SYN3: variants seen among roughly 807,000 people sequenced by gnomAD.
SYN3 encodes the protein synapsin-3.
In SYN3, 35 loss-of-function variants were observed where a neutral mutation model predicts 65.8. The ratio of observed to expected loss-of-function variants is 0.53; its 90% CI spans 0.41 to 0.70. The LOEUF (loss-of-function observed/expected upper bound fraction) is 0.70. SYN3 is among the 30% of genes least tolerant of loss of function. The probability of loss-of-function intolerance (pLI) is 0.00; values close to 1 mark genes in which losing one functional copy is unlikely to be tolerated. For missense variants in SYN3, 680 were observed against 749.0 expected, an observed-to-expected ratio of 0.91 and a Z score of 1.08; for synonymous variants, 270 against 292.9, an observed-to-expected ratio of 0.92 and a Z score of 0.80.
chr22:32,650,233 CCCT>C lies in SYN3; in HGVS notation c.712-53500_712-53498del, dbSNP rs2060044854. 8.0e-5 allele frequency among the ~76,000 whole-genome samples: 7 copies of C among 86,968 alleles called. 1 individual carries two copies. The highest frequency in any genetic ancestry group is 4.0e-4 in the South Asian group (1 of 2,482). The allele number at this position is 86,968 out of a possible 152,430, so 57.1% of individuals were successfully genotyped here. A position where few individuals can be genotyped will look rare whatever the true frequency, so the allele number is the denominator to read the frequency against. On this transcript the variant is annotated intron_variant, in intron 6 of 13. Coordinates refer to ENST00000358763, the MANE Select transcript of SYN3 (RefSeq NM_003490.4). The stretch of plus-strand genomic sequence containing the variant: ...CTTTTCTTTCTCTCTCTCTCTCTCT[CCCT>C]CCCTCCCTCCCTCCCTCCCTCCCTC...
At chr22:32,854,561 C>G (rs1019463568) in intron 6 of SYN3, among the ~76,000 whole-genome samples, 1 of 152,174 alleles carries the variant, frequency 6.6e-6, no homozygotes, top group African/African-American at 2.4e-5. Context: ...TAAGAAGTTG[C>G]TCGGCACAGA....
intron 6 of SYN3, among the ~76,000 whole-genome samples, chr22:32,848,453 G>T (rs2048130679): frequency 6.6e-6 from 1 of 152,204 alleles, no homozygotes; most frequent in Admixed American, 6.5e-5. Flanking sequence ...AGATCATGTG[G>T]ATGCTAATAC....
At chr22:32,962,893 A>C (rs5749546) in intron 3 of SYN3, among the ~76,000 whole-genome samples, 70,343 of 150,202 alleles carry the variant, frequency 0.47, 16,551 homozygotes, top group Middle Eastern at 0.53. Context: ...ATCTCTCTCT[A>C]TATATATATA....
At chr22:32,677,472 C>A (rs1459300730) in intron 6 of SYN3, among the ~76,000 whole-genome samples, 1 of 152,086 alleles carries the variant, frequency 6.6e-6, no homozygotes, top group Non-Finnish European at 1.5e-5. Flanking sequence ...ATTTTGAAAC[C>A]ATTGAAAGAA....
At chr22:32,538,183 G>T in intron 8 of SYN3, 73 bp from the exon 9 acceptor site, 2 of 1,400,326 alleles carry the variant, frequency 1.4e-6, no homozygotes, top group South Asian at 1.2e-5. Flanking sequence ...TCTTTGCTTT[G>T]GCTGTTAGGA....
rs191545624 is a variant in SYN3, at chr22:32,935,580, A to T, written c.370-4099T>A. On this transcript the variant is annotated intron_variant, in intron 3 of 13. Coordinates refer to ENST00000358763, the MANE Select transcript of SYN3 (RefSeq NM_003490.4). ...ATTCTCCTGCCTCAGCCTCCTAAGC[A>T]GCTGAGATCACAGGCACCCGCCACC... Among the ~76,000 whole-genome samples, 28 of 151,628 alleles carry T rather than the reference A, an allele frequency of 1.8e-4. 1 individual carries two copies. Among genetic ancestry groups the T allele is most frequent in the African/African-American group, 6.8e-4 (28 of 41,300 alleles).
intron 6 of SYN3, among the ~76,000 whole-genome samples, chr22:32,832,469 A>G (rs1306882877): frequency 6.6e-6 from 1 of 152,104 alleles, no homozygotes; most frequent in Non-Finnish European, 1.5e-5. Context: ...AAAAACAGAA[A>G]GAGTATCTAG....
intron 6 of SYN3, among the ~76,000 whole-genome samples, chr22:32,763,917 A>G (rs2045554000): frequency 7.0e-6 from 1 of 142,346 alleles, no homozygotes; most frequent in South Asian, 2.2e-4. Flanking sequence ...TGATGCCTCC[A>G]AAATTTGGTG....
At chr22:32,635,045 C>A (rs568495239) in intron 6 of SYN3, 15 of 152,236 alleles carry the variant, frequency 9.9e-5, no homozygotes, top group Middle Eastern at 6.8e-3. Flanking sequence ...AGATTAGACA[C>A]CCCGGTCTAC....
At chr22:32,913,814 G>A (rs1157654358) in intron 4 of SYN3, among the ~76,000 whole-genome samples, 1 of 152,224 alleles carries the variant, frequency 6.6e-6, no homozygotes, top group African/African-American at 2.4e-5. Context: ...ATCCTGTGGT[G>A]CCGTTTTGTG....
intron 6 of SYN3, among the ~76,000 whole-genome samples, chr22:32,680,712 A>C (rs1601902379): frequency 6.6e-6 from 1 of 152,240 alleles, no homozygotes; most frequent in East Asian, 1.9e-4. Flanking sequence ...TTCAGTGCCA[A>C]GCTACAAGTC....
At chr22:32,933,589 C>T (rs376273629) in intron 3 of SYN3, among the ~76,000 whole-genome samples, 26 of 152,274 alleles carry the variant, frequency 1.7e-4, no homozygotes, top group East Asian at 5.8e-4. Context: ...CCACCACACC[C>T]AGCTAATTTT....
At chr22:32,848,732 G>A (rs2048138202) in intron 6 of SYN3, among the ~76,000 whole-genome samples, 1 of 152,174 alleles carries the variant, frequency 6.6e-6, no homozygotes, top group Admixed American at 6.5e-5. Flanking sequence ...TTATAGAAGA[G>A]GAGGCCAGAA....
chr22:32,740,400 C>T (rs565561620), intron 6 of SYN3, among the ~76,000 whole-genome samples: 9 of 152,222 alleles, frequency 5.9e-5, no homozygotes, highest in South Asian at 4.1e-4. Flanking sequence ...AACCCTGAAA[C>T]CCTTTGAGGG....
chr22:33,020,902 TCA>T (rs2053549343), intron 1 of SYN3, among the ~76,000 whole-genome samples: 1 of 152,218 alleles, frequency 6.6e-6, no homozygotes. Flanking sequence ...TCTCTGTGCC[TCA>T]GTTTTCTTAT....
chr22:32,694,509 C>G (rs2060709945), intron 6 of SYN3, among the ~76,000 whole-genome samples: 1 of 152,160 alleles, frequency 6.6e-6, no homozygotes, highest in Non-Finnish European at 1.5e-5. Context: ...CAGGGTTGAA[C>G]TGTGTTCGTC....
intron 1 of SYN3, among the ~76,000 whole-genome samples, chr22:33,019,817 A>C (rs1320213032): frequency 6.6e-6 from 1 of 152,010 alleles, no homozygotes; most frequent in East Asian, 1.9e-4. Context: ...GAGGGGTTTC[A>C]CCATGTTTCT....
At chr22:32,869,367 T>TCACA (rs774518145) in intron 4 of SYN3, among the ~76,000 whole-genome samples, 10 of 142,360 alleles carry the variant, frequency 7.0e-5, no homozygotes, top group Admixed American at 3.6e-4. Flanking sequence ...TCTCTCTCTC[T>TCACA]CACAGGCTCT....
At chr22:32,573,047 C>A (rs1377622177) in intron 7 of SYN3, among the ~76,000 whole-genome samples, 1 of 152,168 alleles carries the variant, frequency 6.6e-6, no homozygotes, top group East Asian at 1.9e-4. Flanking sequence ...GTTATTAGAT[C>A]ATTGTTAGGT....
Sources: allele counts gnomAD v4.1 joint callset (sites outside exome capture counted in the v4.1 genomes callset), GRCh38; gene constraint gnomAD v4.1.1; transcripts MANE v1.5; gene names NCBI Gene and HGNC (gene_info 2026-07-23, HGNC 2026-07-21).